Variants in ARHGEF40 observed in about 807,000 individuals in gnomAD.
ARHGEF40 encodes Rho guanine nucleotide exchange factor 40.
A neutral mutation model predicts 165.9 loss-of-function variants in ARHGEF40; 98 were observed. That is an observed-to-expected ratio of 0.59 (90% CI 0.50 to 0.70). ARHGEF40 has a LOEUF of 0.70. ARHGEF40 is among the 30% of genes least tolerant of loss of function. The pLI, the probability that ARHGEF40 is intolerant of heterozygous loss-of-function variation, is 0.00. For synonymous variants in ARHGEF40, 792 were observed against 814.3 expected, an observed-to-expected ratio of 0.97 and a Z score of 0.47; for missense variants, 1,815 against 1,968.0, an observed-to-expected ratio of 0.92 and a Z score of 1.47.
In ARHGEF40 at chr14:21,089,043, C is replaced by T. The variant is rs942147166; in HGVS notation, c.*35C>T. 6.1e-5 allele frequency: 38 copies of T among 628,056 alleles called. No homozygotes were observed. Among genetic ancestry groups the T allele is most frequent in the Non-Finnish European group, 9.6e-5 (36 of 373,288 alleles). The allele number at this position is 628,056 out of a possible 1,614,324, so 38.9% of individuals were successfully genotyped here. Reference sequence around the variant, plus strand: ...GATCCAGAACTTGCGTGCAGCTTCTCCTCTCAGCACACTTTGGGCTGGGAT... The same window carrying T: ...GATCCAGAACTTGCGTGCAGCTTCTTCTCTCAGCACACTTTGGGCTGGGAT... On this transcript the variant is annotated 3_prime_UTR_variant, in exon 24 of 24. Transcript: ENST00000298694.
chr14:21,076,976 C>A, intron 8 of ARHGEF40, 86 bp downstream of exon 8: 1 of 1,192,912 alleles, frequency 8.4e-7, no homozygotes, highest in Non-Finnish European at 1.2e-6. Context: ...ATGTCCAGGA[C>A]ATACCATGAG....
Position 21,084,077 on chromosome 14 carries a change from G to A in ARHGEF40, c.3789+27G>A, listed in dbSNP as rs559522064. 4.5e-6 allele frequency: 7 copies of A among 1,569,966 alleles called. No individual in the cohort carries two copies. In the African/African-American group the frequency reaches 8.1e-5, roughly 18 times the overall value. On this transcript the variant is annotated intron_variant, in intron 17 of 23. Transcript: ENST00000298694. ...TGAGGCCCTAGCTCCAGTCACTGCTGCTCAAACTGCCCAGCCCTGGCCTCA... is the reference window on the plus strand; with the variant it reads ...TGAGGCCCTAGCTCCAGTCACTGCTACTCAAACTGCCCAGCCCTGGCCTCA...
chr14:21,083,039 T>A, intron 16 of ARHGEF40, 122 bp downstream of exon 16: 1 of 847,994 alleles, frequency 1.2e-6, no homozygotes, highest in Non-Finnish European at 1.9e-6. Context: ...ACCAATCATC[T>A]CCTAGAATTG....
intron 18 of ARHGEF40, among the ~76,000 whole-genome samples, chr14:21,085,278 G>A (rs1417698115): frequency 6.6e-6 from 1 of 152,186 alleles, no homozygotes; most frequent in Non-Finnish European, 1.5e-5. Flanking sequence ...CAAGAAGAGG[G>A]AGGCCTTGCT....
In ARHGEF40 at chr14:21,081,883, CCA is replaced by C; in HGVS notation, c.3016_3017del (p.His1006LeufsTer11). The stretch of plus-strand genomic sequence containing the variant: ...GCCCTGGGCCACGGCCAGCCCCATC[CCA>C]TTGCTCCCTGGCCCCATGTGGAGAG... ...SSPGPRPAPS[H>X]CSLAPCGEDY... On this transcript the variant is annotated frameshift_variant, in exon 14 of 24. Coordinates refer to ENST00000298694, the MANE Select transcript of ARHGEF40 (RefSeq NM_018071.5). LOFTEE classifies it high-confidence loss of function. 3 of 1,613,332 alleles carry C rather than the reference CCA, an allele frequency of 1.9e-6. No individual in the cohort carries two copies. In the East Asian group the frequency reaches 6.7e-5, roughly 36 times the overall value.
In ARHGEF40 at chr14:21,070,395, C is replaced by A; in HGVS notation, c.-2C>A. 1 of 1,416,418 alleles carries A rather than the reference C, an allele frequency of 7.1e-7. No homozygotes were observed. Among genetic ancestry groups the A allele is most frequent in the Admixed American group, 3.3e-5 (1 of 30,380 alleles). The allele number at this position is 1,416,418 out of a possible 1,614,324, so 87.7% of individuals were successfully genotyped here. A position where few individuals can be genotyped will look rare whatever the true frequency, so the allele number is the denominator to read the frequency against. ...GCGTCGGACGCGGCCCGGCGCCGAG[C>A]CATGGTGAGTCCAGCGTCGCAGCCC... On this transcript the variant is annotated 5_prime_UTR_variant, in exon 1 of 24. Coordinates refer to ENST00000298694, the MANE Select transcript of ARHGEF40 (RefSeq NM_018071.5). This position sits in a 1 kb window ranked among gnomAD's most constrained non-coding sequence, Gnocchi z 4.7.
intron 5 of ARHGEF40, 50 bp from the exon 6 acceptor site, chr14:21,076,309 TC>T (rs1887408533): frequency 6.8e-7 from 1 of 1,479,868 alleles, no homozygotes; most frequent in Non-Finnish European, 9.4e-7. Context: ...TTATCTGCTA[TC>T]CCCCAAAACA....
chr14:21,074,680 A>C lies in ARHGEF40; in HGVS notation c.950A>C (p.Glu317Ala). The change falls in exon 3 of 24, where the codon GAG becomes GCG. Residue 317 changes from glutamate (E) to alanine (A), a missense_variant. Transcript: ENST00000298694. This position sits in a 1 kb window ranked among gnomAD's most constrained non-coding sequence, Gnocchi z 4.8. ...GGGAGCAGCACCGGAGCCTCCCCTG[A>C]GTCTCCCCCAGGAGCTGAGGCTGTC... is the stretch of plus-strand genomic sequence containing the variant. ...GEGSSTGASP[E>A]SPPGAEAVPE... 2 of 1,577,262 alleles carry C rather than the reference A, an allele frequency of 1.3e-6. No individual in the cohort carries two copies. Among genetic ancestry groups the C allele is most frequent in the East Asian group, 4.7e-5 (2 of 42,960 alleles).
chr14:21,067,951 C>G (rs182000617), upstream of ARHGEF40, among the ~76,000 whole-genome samples: 8 of 148,848 alleles, frequency 5.4e-5, no homozygotes, highest in African/African-American at 2.1e-4. Flanking sequence ...TCCCTTACCC[C>G]ACCAGCTCAA....
At position 21,083,836 on chromosome 14, in the gene ARHGEF40, GCTC is replaced by G; in HGVS notation, c.3577_3579del (p.Ser1193del). The G allele has an allele frequency of 1.2e-6, 2 of 1,613,406 alleles. No individual in the cohort carries two copies. Among genetic ancestry groups the G allele is most frequent in the East Asian group, 4.5e-5 (2 of 44,852 alleles). On this transcript the variant is annotated inframe_deletion and splice_region_variant, in exon 17 of 24. Transcript: ENST00000298694. ...TCCCTGTCTGTGTCCTCAACCTAGG[GCTC>G]CATGGAGGCTGGCCCTTACCTGCCC...
rs139243448 is a variant in ARHGEF40 at position 21,080,876 on chromosome 14, C to A, written c.2500C>A (p.Arg834Ser). The change falls in exon 13 of 24, where the codon CGC becomes AGC. Residue 834 changes from arginine to serine, a missense_variant. Transcript: ENST00000298694. ...FRAFSAEVQE[R>S]LAQAREALAL... Reference sequence around the variant, plus strand: ...GAGCGCAGCCTCCCTTCTCCAGGAGCGCCTGGCCCAGGCACGGGAGGCCCT... The same window carrying A: ...GAGCGCAGCCTCCCTTCTCCAGGAGAGCCTGGCCCAGGCACGGGAGGCCCT... The A allele has an allele frequency of 5.2e-5, 84 of 1,613,074 alleles. No individual in the cohort carries two copies. The highest frequency in any genetic ancestry group is 6.4e-5 in the Non-Finnish European group (75 of 1,179,566).
In ARHGEF40 at chr14:21,075,065, A is replaced by C. The variant is rs1887292291; in HGVS notation, c.1335A>C (p.Pro445=). The change falls in exon 3 of 24, where the codon CCA becomes CCC. Residue 445 remains proline, a synonymous_variant. Transcript: ENST00000298694. This position sits in a 1 kb window ranked among gnomAD's most constrained non-coding sequence, Gnocchi z 4.5. ...YEGSGKPESE[P]KELKTAGEKE... The stretch of plus-strand genomic sequence containing the variant: ...GCTCAGGGAAGCCAGAATCTGAGCC[A>C]AAAGAGCTCAAAACAGCAGGCGAGA... 6.2e-7 allele frequency: 1 copy of C among 1,614,022 alleles called. No individual in the cohort carries two copies. The highest frequency in any genetic ancestry group is 8.5e-7 in the Non-Finnish European group (1 of 1,180,040).
chr14:21,078,813 A>G, intron 10 of ARHGEF40, 71 bp from the exon 11 acceptor site: 1 of 1,573,872 alleles, frequency 6.4e-7, no homozygotes, highest in East Asian at 2.3e-5. Context: ...TGCATCCCTC[A>G]GAGGCACGGA....
chr14:21,080,355 T>C (rs1321170701), intron 11 of ARHGEF40, among the ~76,000 whole-genome samples: 1 of 152,140 alleles, frequency 6.6e-6, no homozygotes, highest in South Asian at 2.1e-4. Flanking sequence ...ATCCTGCTTT[T>C]GGTTCACCCC....
rs369954778 is a variant in ARHGEF40, at chr14:21,084,830, C to T, written c.3867C>T (p.Arg1289=). 5.0e-6 allele frequency: 8 copies of T among 1,614,240 alleles called. 1 individual carries two copies. The African/African-American group carries it at 9.3e-5, about 19-fold the overall frequency. ...TCTGTGGCCGAAAGAAGTGCCTTCG[C>T]CATGTCTTTCTCTTCGAGCATCTCC... ...TVICGRKKCL[R]HVFLFEHLLL... Residue 1289 remains arginine (R), a synonymous_variant, in exon 18 of 24, where the codon CGC becomes CGT. Transcript: ENST00000298694.
the ARHGEF40 span, among the ~76,000 whole-genome samples, chr14:21,061,672 G>T: frequency 3.3e-5 from 5 of 152,296 alleles, no homozygotes; most frequent in East Asian, 9.6e-4. Context: ...GGGTAAGTAT[G>T]TTCTAACATC....
chr14:21,065,287 A>G (rs1886206803), upstream of ARHGEF40, among the ~76,000 whole-genome samples: 4 of 151,980 alleles, frequency 2.6e-5, no homozygotes, highest in Admixed American at 2.6e-4. Context: ...GACTGATTCC[A>G]GGAAGACAGG....
At chr14:21,079,455 G>A (rs958363577) in intron 11 of ARHGEF40, among the ~76,000 whole-genome samples, 1 of 152,220 alleles carries the variant, frequency 6.6e-6, no homozygotes, top group Non-Finnish European at 1.5e-5. Context: ...TCCCTTGGAA[G>A]GAGAGAGCAT....
At position 21,089,338 on chromosome 14, in the gene ARHGEF40, A is replaced by T. The variant is rs747212085; in HGVS notation, c.*330A>T. On this transcript the variant is annotated 3_prime_UTR_variant, in exon 24 of 24. Transcript: ENST00000298694. ...CCATGCCAGCCCTCCCTGGCAGCCC[A>T]TGTTCTCCTCTTTTCTCACCCCCTG... 5.8e-5 allele frequency: 9 copies of T among 155,626 alleles called. No individual in the cohort carries two copies. The highest frequency in any genetic ancestry group is 1.3e-4 in the Admixed American group (2 of 15,380). The allele number at this position is 155,626 out of a possible 1,614,324, so 9.6% of individuals were successfully genotyped here.
Sources: allele counts gnomAD v4.1 joint callset (sites outside exome capture counted in the v4.1 genomes callset), GRCh38; gene constraint gnomAD v4.1.1; non-coding constraint Gnocchi (gnomAD v3.1); transcripts MANE v1.5; gene names NCBI Gene and HGNC (gene_info 2026-07-23, HGNC 2026-07-21).